Variants in ME1 observed in about 807,000 individuals in gnomAD.
ME1 encodes malic enzyme 1.
ME1 carries 74 observed loss-of-function variants against 66.4 expected under a neutral mutation model. That is an observed-to-expected ratio of 1.11 (90% CI 0.92 to 1.35). The LOEUF (loss-of-function observed/expected upper bound fraction) is 1.35, where lower values mean the gene tolerates loss of function less well. Ranked by LOEUF, ME1 falls within the 40% of genes most tolerant of loss-of-function variation. ME1 has a pLI of 0.00. For synonymous variants in ME1, 251 were observed against 235.6 expected (o/e 1.07, Z -0.60); for missense variants, 750 against 694.1 (o/e 1.08, Z -0.90).
chr6:83,375,292 C>G (rs1364154645), intron 3 of ME1, among the ~76,000 whole-genome samples: 3 of 152,064 alleles, frequency 2.0e-5, no homozygotes, highest in African/African-American at 7.2e-5. Flanking sequence ...TTGTAGTTCT[C>G]CTTGAAGAGG....
At chr6:83,398,786 A>G (rs1243744579) in intron 2 of ME1, among the ~76,000 whole-genome samples, 1 of 151,918 alleles carries the variant, frequency 6.6e-6, no homozygotes, top group Non-Finnish European at 1.5e-5. Context: ...CCTGGCCAAC[A>G]TGGTGAAACT....
At chr6:83,319,773 T>C (rs568084210) in intron 5 of ME1, among the ~76,000 whole-genome samples, 3 of 152,316 alleles carry the variant, frequency 2.0e-5, no homozygotes, top group East Asian at 3.9e-4. Flanking sequence ...CTCTTCCCCA[T>C]GTAGGTGGCC....
chr6:83,265,343 C>T (rs1766970568), intron 6 of ME1, among the ~76,000 whole-genome samples: 1 of 152,048 alleles, frequency 6.6e-6, no homozygotes, highest in South Asian at 2.1e-4. Context: ...ATCATCCAGA[C>T]TGGAGTGCAG....
chr6:83,401,361 A>G (rs774920362), intron 2 of ME1, among the ~76,000 whole-genome samples: 23 of 152,158 alleles, frequency 1.5e-4, no homozygotes, highest in Non-Finnish European at 2.8e-4. Context: ...TTAATAATTT[A>G]TGTAAATTTC....
At chr6:83,263,283 A>C (rs1185857089) in intron 6 of ME1, among the ~76,000 whole-genome samples, 1 of 152,158 alleles carries the variant, frequency 6.6e-6, no homozygotes, top group South Asian at 2.1e-4. Flanking sequence ...AACACTATTG[A>C]AATTAGGCCA....
intron 6 of ME1, among the ~76,000 whole-genome samples, chr6:83,286,241 T>C (rs1002672888): frequency 3.9e-5 from 6 of 152,082 alleles, no homozygotes; most frequent in African/African-American, 1.4e-4. Context: ...GATAAATAAT[T>C]GTAAGTATCT....
In ME1 at chr6:83,429,701, A is replaced by C. The variant is rs574015032; in HGVS notation, c.78+1176T>G. 6.1e-4 allele frequency among the ~76,000 whole-genome samples: 83 copies of C among 135,994 alleles called. 2 individuals carry two copies. Among genetic ancestry groups the C allele is most frequent in the South Asian group, 5.5e-3 (25 of 4,522 alleles). The allele number at this position is 135,994 out of a possible 152,430, so 89.2% of individuals were successfully genotyped here. A position where few individuals can be genotyped will look rare whatever the true frequency, so the allele number is the denominator to read the frequency against. On this transcript the variant is annotated intron_variant, in intron 1 of 13. Coordinates refer to ENST00000369705, the MANE Select transcript of ME1 (RefSeq NM_002395.6). ...AAAGGTGCCTGTCACCACACACACA[A>C]AAAAAATCACTCACACTGACTATAA...
At chr6:83,403,185 TA>T (rs557623083) in intron 2 of ME1, among the ~76,000 whole-genome samples, 201 of 152,312 alleles carry the variant, frequency 1.3e-3, no homozygotes, top group African/African-American at 4.6e-3. Context: ...CAAGATAGTT[TA>T]TTGTGTTAGG....
chr6:83,399,594 C>A (rs1769804983), intron 2 of ME1, among the ~76,000 whole-genome samples: 1 of 152,152 alleles, frequency 6.6e-6, no homozygotes, highest in Admixed American at 6.5e-5. Context: ...AGAAACTTTT[C>A]TTTGTATCTG....
intron 6 of ME1, among the ~76,000 whole-genome samples, chr6:83,297,657 G>C (rs1767624013): frequency 6.6e-6 from 1 of 152,048 alleles, no homozygotes; most frequent in Non-Finnish European, 1.5e-5. Context: ...GTAAACGTTT[G>C]CCATGGTGGT....
Position 83,239,565 on chromosome 6 carries a change from T to C in ME1, c.886A>G (p.Thr296Ala). ...RITKNKLSDQ[T>A]ILFQGAGEAA... is the part of the protein sequence containing the mutation. Reference sequence around the variant, plus strand: ...TCTCCAGCTCCTTGGAATAGTATTGTTTGATCAGACAGTTTGTTCTTGGTT... The same window carrying C: ...TCTCCAGCTCCTTGGAATAGTATTGCTTGATCAGACAGTTTGTTCTTGGTT... The change falls in exon 8 of 14, where the codon ACA becomes GCA. Residue 296 changes from threonine to alanine, a missense_variant. Physicochemically the swap from Thr to Ala is moderately conservative, Grantham distance 58. Transcript: ENST00000369705. 4 of 1,613,190 alleles carry C rather than the reference T, an allele frequency of 2.5e-6. No homozygotes were observed. Among genetic ancestry groups the C allele is most frequent in the South Asian group, 2.2e-5 (2 of 91,000 alleles).
At chr6:83,422,131 CT>C (rs1213550792) in intron 1 of ME1, among the ~76,000 whole-genome samples, 1 of 152,166 alleles carries the variant, frequency 6.6e-6, no homozygotes, top group Non-Finnish European at 1.5e-5. Flanking sequence ...TCTACACTCA[CT>C]TTTGAGCTAA....
At position 83,352,050 on chromosome 6, in the gene ME1, A is replaced by G; in HGVS notation, c.438+14T>C. 1.3e-6 allele frequency: 2 copies of G among 1,569,340 alleles called. No homozygotes were observed. Among genetic ancestry groups the G allele is most frequent in the South Asian group, 1.2e-5 (1 of 84,772 alleles). ...AGAAAAAATTTGCTATAGTGGAAAA[A>G]CATGATAACTTACCTTGATGACATC... On this transcript the variant is annotated intron_variant, in intron 4 of 13. Coordinates refer to ENST00000369705, the MANE Select transcript of ME1 (RefSeq NM_002395.6).
chr6:83,357,045 T>C (rs1016913941), intron 3 of ME1, among the ~76,000 whole-genome samples: 65 of 152,206 alleles, frequency 4.3e-4, no homozygotes, highest in African/African-American at 1.5e-3. Flanking sequence ...TTGATACTTA[T>C]GAACAATTTA....
intron 6 of ME1, among the ~76,000 whole-genome samples, chr6:83,259,265 G>A (rs1017491318): frequency 2.6e-5 from 4 of 152,100 alleles, no homozygotes; most frequent in Admixed American, 6.5e-5. Context: ...AATGAATTAA[G>A]CAGCAAATAA....
intron 5 of ME1, among the ~76,000 whole-genome samples, chr6:83,325,760 G>A (rs1768276425): frequency 6.6e-6 from 1 of 152,070 alleles, no homozygotes; most frequent in African/African-American, 2.4e-5. Flanking sequence ...TGGATAGGAA[G>A]AGTCAATATC....
At chr6:83,353,066 A>C (rs1768830213) in intron 3 of ME1, among the ~76,000 whole-genome samples, 1 of 152,172 alleles carries the variant, frequency 6.6e-6, no homozygotes, top group Admixed American at 6.5e-5. Context: ...TTCCATAGGC[A>C]CTATTGTTTA....
chr6:83,229,806 AG>A (rs1420829294), intron 9 of ME1, among the ~76,000 whole-genome samples: 1 of 152,116 alleles, frequency 6.6e-6, no homozygotes, highest in Non-Finnish European at 1.5e-5. Flanking sequence ...CTTTCTTTAA[AG>A]GGTATTATCA....
At chr6:83,324,984 C>T (rs551776032) in intron 5 of ME1, among the ~76,000 whole-genome samples, 5 of 142,342 alleles carry the variant, frequency 3.5e-5, no homozygotes, top group East Asian at 4.0e-4. Flanking sequence ...ACTTGCAAAC[C>T]GAATCCAGCA....
Sources: allele counts gnomAD v4.1 joint callset (sites outside exome capture counted in the v4.1 genomes callset), GRCh38; gene constraint gnomAD v4.1.1; transcripts MANE v1.5; gene names NCBI Gene and HGNC (gene_info 2026-07-23, HGNC 2026-07-21).